Variants in DIP2C observed in about 807,000 individuals in gnomAD.
DIP2C encodes DIP2 acetate--CoA ligase C (putative).
DIP2C carries 33 observed loss-of-function variants against 192.4 expected under a neutral mutation model. The observed-to-expected ratio is 0.17, with a 90% CI of 0.13 to 0.23. The LOEUF (loss-of-function observed/expected upper bound fraction) is 0.23, where lower values mean the gene tolerates loss of function less well. Ranked by LOEUF, DIP2C falls within the 10% of genes least tolerant of loss-of-function variation. The probability of loss-of-function intolerance (pLI) is 1.00; values close to 1 mark genes in which losing one functional copy is unlikely to be tolerated. For synonymous variants in DIP2C, 979 were observed against 864.1 expected, an observed-to-expected ratio of 1.13 and a Z score of -2.33; for missense variants, 1,537 against 2,110.1, an observed-to-expected ratio of 0.73 and a Z score of 5.32.
chr10:478,650 T>C (rs531754313), intron 2 of DIP2C, among the ~76,000 whole-genome samples: 4 of 148,286 alleles, frequency 2.7e-5, no homozygotes, highest in African/African-American at 1.0e-4. Context: ...TCATCCCGTG[T>C]CTGGGCATGC....
At chr10:672,174 G>C (rs555857360) in intron 1 of DIP2C, among the ~76,000 whole-genome samples, 45 of 150,328 alleles carry the variant, frequency 3.0e-4, no homozygotes, top group South Asian at 6.3e-4. Context: ...CATGGACGGA[G>C]GAAACACCAC....
At chr10:344,972 A>G (rs975089827) in intron 27 of DIP2C, 27 bp downstream of exon 27, 3 of 1,608,922 alleles carry the variant, frequency 1.9e-6, no homozygotes, top group East Asian at 2.2e-5. Flanking sequence ...CCGTGAGCAA[A>G]CCACCTTCTG....
chr10:368,467 A>G (rs972744468), intron 18 of DIP2C, among the ~76,000 whole-genome samples: 1 of 152,238 alleles, frequency 6.6e-6, no homozygotes, highest in African/African-American at 2.4e-5. Context: ...AGGCAGAGGC[A>G]GAGCTGCGGG....
chr10:306,358 C>T (rs1589436411), intron 32 of DIP2C, among the ~76,000 whole-genome samples: 2 of 152,130 alleles, frequency 1.3e-5, no homozygotes, highest in African/African-American at 4.8e-5. Flanking sequence ...CCCTGTTCGA[C>T]AACTGACTTT....
intron 9 of DIP2C, among the ~76,000 whole-genome samples, chr10:407,456 G>C (rs1199888795): frequency 2.0e-5 from 3 of 152,192 alleles, no homozygotes; most frequent in African/African-American, 7.2e-5. Flanking sequence ...CCCCGAAGCA[G>C]AACTGCTGGA....
intron 10 of DIP2C, among the ~76,000 whole-genome samples, chr10:397,269 C>G (rs1964061270): frequency 1.3e-5 from 2 of 152,182 alleles, no homozygotes; most frequent in South Asian, 4.1e-4. Flanking sequence ...GTGGCTCACA[C>G]CTGTCATTCC....
At chr10:567,073 G>T (rs1251347486) in intron 1 of DIP2C, among the ~76,000 whole-genome samples, 8 of 152,210 alleles carry the variant, frequency 5.3e-5, no homozygotes. Context: ...ACAAAACCCA[G>T]ATCAGCATCA....
At chr10:598,849 T>C (rs1038458021) in intron 1 of DIP2C, among the ~76,000 whole-genome samples, 1 of 152,246 alleles carries the variant, frequency 6.6e-6, no homozygotes, top group African/African-American at 2.4e-5. Context: ...TTTGTAACTC[T>C]GCATCAATTA....
rs563332662 is a variant in DIP2C at position 581,201 on chromosome 10, G to C, written c.86-94671C>G. ...TAGACGCTTTCTGATACTTACTCTA[G>C]TCTACTTGTTTCCCTTTCTTGAATT... On this transcript the variant is annotated intron_variant, in intron 1 of 36. Transcript: ENST00000280886. Among the ~76,000 whole-genome samples, 5 of 152,212 alleles carry C rather than the reference G, an allele frequency of 3.3e-5. No individual in the cohort carries two copies. The South Asian group carries it at 1.0e-3, about 32-fold the overall frequency.
rs748231177 is a variant in DIP2C, at chr10:414,852, TTGTGTGTGTGTGTG to T, written c.860-756_860-743del. On this transcript the variant is annotated intron_variant, in intron 7 of 36. Transcript: ENST00000280886. ...TATATATATACACACACATATATAT[TTGTGTGTGTGTGTG>T]TGTGTGTGTGTGTGTGTGTGTGTGT... is the stretch of plus-strand genomic sequence containing the variant. Among the ~76,000 whole-genome samples, 152 of 98,868 alleles carry T rather than the reference TTGTGTGTGTGTGTG, an allele frequency of 1.5e-3. 1 individual carries two copies. The East Asian group carries it at 0.016, about 10-fold the overall frequency. 64.9% of individuals were successfully genotyped at this position (98,868 alleles called of 152,430 possible).
intron 1 of DIP2C, among the ~76,000 whole-genome samples, chr10:676,806 G>A (rs2119056254): frequency 6.6e-6 from 1 of 152,176 alleles, no homozygotes. Flanking sequence ...AAGGGAGAAA[G>A]GGAGAGGTTA....
intron 1 of DIP2C, among the ~76,000 whole-genome samples, chr10:612,426 G>T (rs538042281): frequency 6.6e-6 from 1 of 152,208 alleles, no homozygotes; most frequent in East Asian, 1.9e-4. Context: ...AAGATATGAA[G>T]ATGGAAAGAA....
At chr10:675,764 A>G (rs1274786904) in intron 1 of DIP2C, among the ~76,000 whole-genome samples, 1 of 152,194 alleles carries the variant, frequency 6.6e-6, no homozygotes, top group African/African-American at 2.4e-5. Flanking sequence ...AGTAACATGT[A>G]TGACTAAGTA....
At chr10:593,955 A>C (rs1281677838) in intron 1 of DIP2C, among the ~76,000 whole-genome samples, 4 of 152,190 alleles carry the variant, frequency 2.6e-5, no homozygotes. Context: ...GGAGTCCAGC[A>C]CACTTTATCA....
intron 31 of DIP2C, among the ~76,000 whole-genome samples, chr10:325,724 T>C (rs1173971052): frequency 6.6e-6 from 1 of 152,224 alleles, no homozygotes; most frequent in Non-Finnish European, 1.5e-5. Flanking sequence ...GAGATAAATC[T>C]AATTCTTCAG....
chr10:513,157 T>C (rs1278444503), intron 1 of DIP2C, among the ~76,000 whole-genome samples: 1 of 140,168 alleles, frequency 7.1e-6, no homozygotes, highest in Non-Finnish European at 1.6e-5. Flanking sequence ...TATTTTAGCA[T>C]ACTGGCAGTT....
chr10:458,044 C>T (rs140207412), intron 3 of DIP2C, among the ~76,000 whole-genome samples: 4 of 152,284 alleles, frequency 2.6e-5, no homozygotes, highest in Non-Finnish European at 4.4e-5. Context: ...AGTGATGAAG[C>T]AGGAGGATGA....
At chr10:358,045 C>T (rs919984544) in intron 22 of DIP2C, 108 bp from the exon 23 acceptor site, 7 of 737,458 alleles carry the variant, frequency 9.5e-6, no homozygotes, top group Non-Finnish European at 8.9e-6. Flanking sequence ...CTGGAAAGAC[C>T]TGGCTTTGAA....
In DIP2C at chr10:651,326, T is replaced by C. The variant is rs941739051; in HGVS notation, c.85+38168A>G. ...AGCCACCAACGTGGACACGATCCCA[T>C]CAGGAACCACCTACTTTTGCATCCC... is the stretch of plus-strand genomic sequence containing the variant. On this transcript the variant is annotated intron_variant, in intron 1 of 36. Transcript: ENST00000280886. The surrounding 1 kb of genome is among the most constrained non-coding windows in gnomAD (Gnocchi z 4.1). 3.3e-5 allele frequency: 23 copies of C among 704,800 alleles called. No homozygotes were observed. Among genetic ancestry groups the C allele is most frequent in the African/African-American group, 5.2e-5 (3 of 57,224 alleles). 43.7% of individuals were successfully genotyped at this position (704,800 alleles called of 1,614,324 possible). A position where few individuals can be genotyped will look rare whatever the true frequency, so the allele number is the denominator to read the frequency against.
Sources: allele counts gnomAD v4.1 joint callset (sites outside exome capture counted in the v4.1 genomes callset), GRCh38; gene constraint gnomAD v4.1.1; non-coding constraint Gnocchi (gnomAD v3.1); transcripts MANE v1.5; gene names NCBI Gene and HGNC (gene_info 2026-07-23, HGNC 2026-07-21).